The following ANKS1B variants were observed in gnomAD, a reference collection of about 807,000 sequenced individuals.
The protein encoded by ANKS1B is ankyrin repeat and sterile alpha motif domain containing 1B.
A neutral mutation model predicts 148.3 loss-of-function variants in ANKS1B; 36 were observed. That is an observed-to-expected ratio of 0.24 (90% confidence interval 0.19 to 0.32). The LOEUF is 0.32. Among genes scored for constraint, ANKS1B ranks in the 10% least tolerant of loss-of-function variants. The probability of loss-of-function intolerance (pLI) is 1.00; values close to 1 mark genes in which losing one functional copy is unlikely to be tolerated. For missense variants in ANKS1B, 1,157 were observed against 1,542.6 expected, an observed-to-expected ratio of 0.75 and a Z score of 4.19; for synonymous variants, 542 against 560.8, an observed-to-expected ratio of 0.97 and a Z score of 0.47.
chr12:99,323,260 CTG>C (rs993048752), intron 12 of ANKS1B, among the ~76,000 whole-genome samples: 2 of 152,168 alleles, frequency 1.3e-5, no homozygotes, highest in African/African-American at 2.4e-5. Flanking sequence ...TGTCACTGAA[CTG>C]TGAATATCCA....
At chr12:99,670,391 A>G in intron 8 of ANKS1B, among the ~76,000 whole-genome samples, 1 of 152,162 alleles carries the variant, frequency 6.6e-6, no homozygotes, top group East Asian at 1.9e-4. Flanking sequence ...TGCATCAGTG[A>G]ATACACATAC....
At chr12:99,840,805 T>A (rs528698174) in intron 1 of ANKS1B, among the ~76,000 whole-genome samples, 1 of 152,240 alleles carries the variant, frequency 6.6e-6, no homozygotes, top group South Asian at 2.1e-4. Flanking sequence ...TTTTTTCTCC[T>A]TACACAAACT....
At chr12:98,895,621 G>A (rs1374040356) in intron 17 of ANKS1B, among the ~76,000 whole-genome samples, 2 of 152,308 alleles carry the variant, frequency 1.3e-5, no homozygotes, top group Middle Eastern at 3.4e-3. Context: ...TGGGACTTGC[G>A]TTCCAGCTGT....
At chr12:99,627,403 T>C (rs1567510664) in intron 9 of ANKS1B, among the ~76,000 whole-genome samples, 1 of 152,312 alleles carries the variant, frequency 6.6e-6, no homozygotes, top group East Asian at 1.9e-4. Context: ...ACTTGACAAT[T>C]ATCAGTTCAT....
At chr12:99,085,238 C>T (rs918652780) in intron 15 of ANKS1B, among the ~76,000 whole-genome samples, 7 of 152,070 alleles carry the variant, frequency 4.6e-5, no homozygotes, top group Non-Finnish European at 1.0e-4. Context: ...AAATATCTAT[C>T]GTGGCTTATA....
intron 17 of ANKS1B, among the ~76,000 whole-genome samples, chr12:98,995,029 C>T (rs761756256): frequency 6.6e-6 from 1 of 152,080 alleles, no homozygotes; most frequent in Non-Finnish European, 1.5e-5. Flanking sequence ...GTTAAAGAGG[C>T]TATATGAAAT....
intron 9 of ANKS1B, among the ~76,000 whole-genome samples, chr12:99,645,327 A>G (rs1456376123): frequency 6.6e-6 from 1 of 152,228 alleles, no homozygotes; most frequent in Non-Finnish European, 1.5e-5. Flanking sequence ...CATATATTGA[A>G]TTAAACAATT....
At chr12:99,691,412 A>T (rs1219267014) in intron 8 of ANKS1B, among the ~76,000 whole-genome samples, 2 of 152,110 alleles carry the variant, frequency 1.3e-5, no homozygotes, top group Non-Finnish European at 2.9e-5. Context: ...CAAATTTTTC[A>T]AACTTTTATG....
At position 99,463,244 on chromosome 12, in the gene ANKS1B, C is replaced by G. The variant is rs568804050; in HGVS notation, c.1439-19435G>C. ...GAATGCATGGATGGAATACAGTCTT[C>G]TGGTTTTGTTTTGATTAATATGTGA... On this transcript the variant is annotated intron_variant, in intron 10 of 26. Transcript: ENST00000683438. Among the ~76,000 whole-genome samples the G allele has an allele frequency of 3.3e-5, 5 of 152,338 alleles. No individual in the cohort carries two copies. The South Asian group carries it at 1.0e-3, about 32-fold the overall frequency.
intron 9 of ANKS1B, among the ~76,000 whole-genome samples, chr12:99,518,169 C>T (rs183710564): frequency 2.0e-5 from 3 of 151,844 alleles, no homozygotes; most frequent in Admixed American, 1.3e-4. Context: ...GAGATACTGA[C>T]CAGTATTTTT....
intron 17 of ANKS1B, among the ~76,000 whole-genome samples, chr12:99,000,731 C>T (rs922386867): frequency 5.9e-5 from 9 of 152,152 alleles, no homozygotes; most frequent in Non-Finnish European, 8.8e-5. Context: ...TGAAACTTCA[C>T]CCCTGTTGAT....
chr12:99,622,489 T>C (rs2098065715), intron 9 of ANKS1B, among the ~76,000 whole-genome samples: 1 of 151,738 alleles, frequency 6.6e-6, no homozygotes, highest in Non-Finnish European at 1.5e-5. Context: ...AAAAAATCAA[T>C]ATACTGCTAA....
intron 12 of ANKS1B, among the ~76,000 whole-genome samples, chr12:99,293,143 C>T (rs2080276366): frequency 2.0e-5 from 3 of 152,148 alleles, no homozygotes; most frequent in Admixed American, 2.0e-4. Context: ...AAATATGGCA[C>T]ATATACACCA....
chr12:99,338,987 C>T (rs1381003680), intron 12 of ANKS1B, among the ~76,000 whole-genome samples: 2 of 152,160 alleles, frequency 1.3e-5, no homozygotes, highest in Admixed American at 1.3e-4. Flanking sequence ...GTGGGCTTCA[C>T]TGCCTTGGGC....
intron 8 of ANKS1B, among the ~76,000 whole-genome samples, chr12:99,679,024 T>G (rs977461663): frequency 6.6e-6 from 1 of 152,178 alleles, no homozygotes; most frequent in South Asian, 2.1e-4. Context: ...AATTTTAAAG[T>G]TCAGTTGAGA....
intron 17 of ANKS1B, among the ~76,000 whole-genome samples, chr12:98,945,800 C>A (rs1338482778): frequency 6.6e-6 from 1 of 152,144 alleles, no homozygotes; most frequent in Non-Finnish European, 1.5e-5. Context: ...TCAAGCAAGG[C>A]CAATAAATCA....
intron 17 of ANKS1B, among the ~76,000 whole-genome samples, chr12:99,042,977 C>G (rs2099960042): frequency 1.3e-5 from 2 of 152,172 alleles, no homozygotes; most frequent in Non-Finnish European, 2.9e-5. Context: ...CCTTGTGTTC[C>G]CATTTGGGAT....
chr12:99,648,207 G>C, intron 9 of ANKS1B: 1 of 1,614,104 alleles, frequency 6.2e-7, no homozygotes, highest in South Asian at 1.1e-5. Flanking sequence ...CGTATTACAC[G>C]GCCCAAAGCA....
At chr12:99,714,945 C>A (rs1384385596) in intron 8 of ANKS1B, among the ~76,000 whole-genome samples, 1 of 150,384 alleles carries the variant, frequency 6.6e-6, no homozygotes, top group Non-Finnish European at 1.5e-5. Flanking sequence ...ATAGTGAAAT[C>A]CCATCTCTAT....
Sources: gnomAD v4.1 joint callset for allele counts (sites outside exome capture counted in the v4.1 genomes callset) on GRCh38, gnomAD v4.1.1 for gene constraint, MANE v1.5 for transcripts, NCBI Gene and HGNC (gene_info 2026-07-23, HGNC 2026-07-21) for gene names.